The following DOCK1 variants were observed in gnomAD, a reference collection of about 807,000 sequenced individuals.
DOCK1 encodes dedicator of cytokinesis 1.
DOCK1 carries 138 observed loss-of-function variants against 262.7 expected under a neutral mutation model. That is an observed-to-expected ratio of 0.53 (90% CI 0.46 to 0.61). The LOEUF is 0.61. Ranked by LOEUF, DOCK1 falls within the 20% of genes least tolerant of loss-of-function variation. The probability of loss-of-function intolerance (pLI) is 0.00; values close to 1 mark genes in which losing one functional copy is unlikely to be tolerated. For synonymous variants in DOCK1, 866 were observed against 867.4 expected (o/e 1.00, Z 0.03); for missense variants, 1,908 against 2,370.7 (o/e 0.80, Z 4.05).
intron 40 of DOCK1, among the ~76,000 whole-genome samples, chr10:127,404,986 T>C (rs143859963): frequency 6.6e-6 from 1 of 152,354 alleles, no homozygotes; most frequent in African/African-American, 2.4e-5. Flanking sequence ...CTCGGCCGAA[T>C]GTCTTCCAGT....
chr10:127,222,771 T>G (rs2058488508), intron 27 of DOCK1, among the ~76,000 whole-genome samples: 1 of 119,550 alleles, frequency 8.4e-6, no homozygotes, highest in East Asian at 2.5e-4. Flanking sequence ...GCTAAAGTGA[T>G]TCTCTCACTT....
chr10:127,245,293 CTTTCGCTAAGAAAGGAAA>C (rs2059394525), intron 27 of DOCK1, among the ~76,000 whole-genome samples: 1 of 152,236 alleles, frequency 6.6e-6, no homozygotes, highest in Admixed American at 6.5e-5. Flanking sequence ...GCAAGACTTA[CTTTCGCTAAGAAAGGAAA>C]GACTGAACGA....
At chr10:127,392,681 C>T (rs527995258) in intron 38 of DOCK1, among the ~76,000 whole-genome samples, 52 of 152,282 alleles carry the variant, frequency 3.4e-4, no homozygotes, top group African/African-American at 6.3e-4. Context: ...TGTTTGTTAA[C>T]GGATCTTGCA....
intron 11 of DOCK1, among the ~76,000 whole-genome samples, 168 bp downstream of exon 11, chr10:127,008,972 A>G (rs993164239): frequency 1.3e-5 from 2 of 152,214 alleles, no homozygotes; most frequent in South Asian, 2.1e-4. Flanking sequence ...TTTTGTAGCC[A>G]TAAGAATCCT....
intron 2 of DOCK1, among the ~76,000 whole-genome samples, chr10:126,976,584 C>T (rs1166892888): frequency 6.6e-6 from 1 of 152,098 alleles, no homozygotes; most frequent in Admixed American, 6.5e-5. Context: ...TCTGTCTGAT[C>T]TTTGGTTCTG....
At chr10:126,911,760 G>A (rs1312650406) in intron 1 of DOCK1, among the ~76,000 whole-genome samples, 1 of 152,178 alleles carries the variant, frequency 6.6e-6, no homozygotes, top group African/African-American at 2.4e-5. Context: ...GCTGATGGGA[G>A]TTGACAGGAA....
chr10:126,912,115 G>A (rs1177113895), intron 1 of DOCK1, among the ~76,000 whole-genome samples: 1 of 152,114 alleles, frequency 6.6e-6, no homozygotes, highest in Non-Finnish European at 1.5e-5. Flanking sequence ...GTGTGTCAGT[G>A]TCCTCATTTC....
chr10:127,355,699 C>T (rs904481947), intron 32 of DOCK1, among the ~76,000 whole-genome samples: 3 of 152,212 alleles, frequency 2.0e-5, no homozygotes, highest in Admixed American at 6.5e-5. Context: ...CTGTTAGCCT[C>T]GTAGCATTAG....
intron 29 of DOCK1, among the ~76,000 whole-genome samples, chr10:127,329,712 C>T (rs974516510): frequency 5.9e-5 from 9 of 152,134 alleles, no homozygotes; most frequent in Non-Finnish European, 1.3e-4. Flanking sequence ...ATGGTTTTTT[C>T]ATTACCCAAG....
intron 47 of DOCK1, among the ~76,000 whole-genome samples, chr10:127,430,498 T>C (rs2069205766): frequency 6.6e-6 from 1 of 152,182 alleles, no homozygotes. Context: ...GATGCAGAGC[T>C]GATGGTGCAG....
intron 9 of DOCK1, among the ~76,000 whole-genome samples, chr10:126,999,733 A>G (rs12570725): frequency 0.24 from 37,100 of 152,136 alleles, 4,560 homozygotes; most frequent in Admixed American, 0.28. Context: ...CTGGAATGCA[A>G]TGGCGTGATC....
At chr10:127,315,193 G>A (rs921123150) in intron 29 of DOCK1, among the ~76,000 whole-genome samples, 2 of 152,092 alleles carry the variant, frequency 1.3e-5, no homozygotes, top group Non-Finnish European at 2.9e-5. Context: ...TGGTGGTGGT[G>A]TTAACAAGGA....
intron 16 of DOCK1, among the ~76,000 whole-genome samples, chr10:127,029,659 C>T (rs1351614501): frequency 6.6e-6 from 1 of 152,182 alleles, no homozygotes; most frequent in Non-Finnish European, 1.5e-5. Context: ...GTTCTGTAAA[C>T]TTGTCATATA....
chr10:127,182,416 GGCTTGGT>G (rs1363764334), intron 27 of DOCK1, among the ~76,000 whole-genome samples: 9 of 152,084 alleles, frequency 5.9e-5, no homozygotes, highest in Non-Finnish European at 1.3e-4. Context: ...GCATGCTTGG[GGCTTGGT>G]GCTTGGTGCT....
At chr10:127,188,795 G>C (rs969670978) in intron 27 of DOCK1, among the ~76,000 whole-genome samples, 3 of 152,222 alleles carry the variant, frequency 2.0e-5, no homozygotes, top group African/African-American at 7.2e-5. Flanking sequence ...TCTGTGCTTT[G>C]TGTATGTCTG....
intron 12 of DOCK1, 40 bp from the exon 13 acceptor site, chr10:127,018,670 A>G (rs1388912452): frequency 1.2e-6 from 2 of 1,612,436 alleles, no homozygotes; most frequent in Admixed American, 1.7e-5. Flanking sequence ...AAAAATGCAT[A>G]GGATAAAATG....
chr10:127,099,408 C>T (rs1042267228), intron 23 of DOCK1, among the ~76,000 whole-genome samples: 5 of 152,052 alleles, frequency 3.3e-5, no homozygotes, highest in South Asian at 2.1e-4. Flanking sequence ...ATCTCTTTTG[C>T]GTTGCTATAA....
At chr10:127,181,319 A>C (rs1044369468) in intron 27 of DOCK1, among the ~76,000 whole-genome samples, 2 of 152,218 alleles carry the variant, frequency 1.3e-5, no homozygotes, top group African/African-American at 4.8e-5. Context: ...AAACAGACTC[A>C]ATAGTCTGAA....
chr10:127,019,226 G>A (rs993232022), intron 13 of DOCK1, among the ~76,000 whole-genome samples: 2 of 152,154 alleles, frequency 1.3e-5, no homozygotes. Flanking sequence ...GCCTGCGCCC[G>A]CTCAGCTAGT....
Sources: gnomAD v4.1 joint callset for allele counts (sites outside exome capture counted in the v4.1 genomes callset) on GRCh38, gnomAD v4.1.1 for gene constraint, MANE v1.5 for transcripts, NCBI Gene and HGNC (gene_info 2026-07-23, HGNC 2026-07-21) for gene names.